The following RYR3 variants were observed in gnomAD, a reference collection of about 807,000 sequenced individuals.
RYR3 encodes brain ryanodine receptor-calcium release channel.
A neutral mutation model predicts 584.3 loss-of-function variants in RYR3; 207 were observed. The ratio of observed to expected loss-of-function variants is 0.35; its 90% CI spans 0.32 to 0.40. The LOEUF (loss-of-function observed/expected upper bound fraction) is 0.40. Ranked by LOEUF, RYR3 falls within the 10% of genes least tolerant of loss-of-function variation. The probability of loss-of-function intolerance (pLI) is 1.00; values close to 1 mark genes in which losing one functional copy is unlikely to be tolerated. For missense variants in RYR3, 5,616 were observed against 6,089.2 expected (o/e 0.92, Z 2.59); for synonymous variants, 2,416 against 2,248.5 (o/e 1.07, Z -2.11).
At chr15:33,713,016 G>A (rs1405632273) in intron 43 of RYR3, among the ~76,000 whole-genome samples, 1 of 152,188 alleles carries the variant, frequency 6.6e-6, no homozygotes, top group East Asian at 1.9e-4. Context: ...TAGGGCATTT[G>A]AAATGGGAAA....
At chr15:33,754,105 A>G (rs981429958) in intron 57 of RYR3, among the ~76,000 whole-genome samples, 1 of 152,186 alleles carries the variant, frequency 6.6e-6, no homozygotes, top group African/African-American at 2.4e-5. Flanking sequence ...GATCATGCCA[A>G]TGCACTCCAA....
At chr15:33,557,565 A>G (rs1331017221) in intron 10 of RYR3, among the ~76,000 whole-genome samples, 3 of 151,938 alleles carry the variant, frequency 2.0e-5, no homozygotes, top group African/African-American at 4.8e-5. Context: ...TTGTATTTTT[A>G]GTAGAGATGG....
At chr15:33,481,289 G>A (rs775381070) in intron 2 of RYR3, among the ~76,000 whole-genome samples, 14 of 152,038 alleles carry the variant, frequency 9.2e-5, no homozygotes, top group Non-Finnish European at 1.9e-4. Context: ...TAATTGGAAT[G>A]TTTTATTCAT....
chr15:33,584,558 AAAAC>A (rs2058749253), intron 15 of RYR3, 68 bp downstream of exon 15: 1 of 732,244 alleles, frequency 1.4e-6, no homozygotes, highest in Non-Finnish European at 2.3e-6. Flanking sequence ...GTAAAAAAAG[AAAAC>A]AAAGTTGAAT....
intron 1 of RYR3, among the ~76,000 whole-genome samples, chr15:33,455,431 T>A (rs2047469851): frequency 6.6e-6 from 1 of 152,184 alleles, no homozygotes; most frequent in Non-Finnish European, 1.5e-5. Flanking sequence ...AGACAGAGCC[T>A]GAGGAATTCT....
chr15:33,547,048 G>C (rs1341554558), intron 8 of RYR3, among the ~76,000 whole-genome samples: 1 of 152,186 alleles, frequency 6.6e-6, no homozygotes, highest in African/African-American at 2.4e-5. Flanking sequence ...GGGGACTGCT[G>C]TTCTTGAGAC....
chr15:33,443,549 T>C (rs2046394193), intron 1 of RYR3, among the ~76,000 whole-genome samples: 1 of 152,160 alleles, frequency 6.6e-6, no homozygotes, highest in South Asian at 2.1e-4. Context: ...AAAACAGCCC[T>C]TAAAAACATG....
At chr15:33,590,115 G>T (rs772122677) in intron 16 of RYR3, among the ~76,000 whole-genome samples, 16 of 152,174 alleles carry the variant, frequency 1.1e-4, no homozygotes, top group Non-Finnish European at 2.1e-4. Context: ...GGTGCTCCGT[G>T]GGGGAGCTTC....
chr15:33,683,734 G>A (rs189137875), intron 38 of RYR3, among the ~76,000 whole-genome samples: 15 of 152,346 alleles, frequency 9.8e-5, no homozygotes, highest in Admixed American at 2.0e-4. Context: ...TCCTAGCCAC[G>A]GGAAGCCGTG....
At chr15:33,665,156 A>C in intron 36 of RYR3, among the ~76,000 whole-genome samples, 1 of 152,292 alleles carries the variant, frequency 6.6e-6, no homozygotes, top group South Asian at 2.1e-4. Context: ...TGGCTCTTTC[A>C]TATGTATTTG....
chr15:33,530,950 G>T (rs752437181), intron 4 of RYR3, among the ~76,000 whole-genome samples: 2 of 151,986 alleles, frequency 1.3e-5, no homozygotes, highest in Non-Finnish European at 2.9e-5. Flanking sequence ...CCCACCAAAT[G>T]CAGTGCTTTG....
chr15:33,535,547 C>G (rs1001360283), intron 5 of RYR3, among the ~76,000 whole-genome samples: 2 of 152,194 alleles, frequency 1.3e-5, no homozygotes, highest in Non-Finnish European at 2.9e-5. Flanking sequence ...GTGCCACACT[C>G]TGAATATACA....
At chr15:33,619,814 T>C (rs1382130624) in intron 19 of RYR3, among the ~76,000 whole-genome samples, 5 of 152,172 alleles carry the variant, frequency 3.3e-5, no homozygotes, top group South Asian at 4.2e-4. Context: ...GAGAGATGAC[T>C]GGAGAATAGG....
chr15:33,378,568 G>A (rs913105570), intron 1 of RYR3, among the ~76,000 whole-genome samples: 4 of 152,226 alleles, frequency 2.6e-5, no homozygotes, highest in African/African-American at 9.6e-5. Flanking sequence ...CAAATAAGGA[G>A]AAGGGATCTA....
At chr15:33,696,920 GAGATA>G (rs2152765878) in intron 39 of RYR3, among the ~76,000 whole-genome samples, 1 of 148,656 alleles carries the variant, frequency 6.7e-6, no homozygotes, top group East Asian at 2.1e-4. Flanking sequence ...TTAGTTCATT[GAGATA>G]ACTTTCCCCT....
chr15:33,403,284 C>T (rs898917804), intron 1 of RYR3, among the ~76,000 whole-genome samples: 3 of 152,174 alleles, frequency 2.0e-5, no homozygotes, highest in Non-Finnish European at 4.4e-5. Context: ...TTTTTAAACT[C>T]TGGGCCAATA....
chr15:33,860,814 C>T (rs1033484921), intron 101 of RYR3, among the ~76,000 whole-genome samples, 155 bp downstream of exon 101: 2 of 152,154 alleles, frequency 1.3e-5, no homozygotes, highest in Non-Finnish European at 2.9e-5. Flanking sequence ...CTGCCATACC[C>T]CTGCCAGGCC....
At chr15:33,600,828 C>G (rs550798231) in intron 16 of RYR3, among the ~76,000 whole-genome samples, 66 of 152,250 alleles carry the variant, frequency 4.3e-4, no homozygotes, top group Admixed American at 9.2e-4. Flanking sequence ...AAGACCTTAG[C>G]CAAATGGGAA....
intron 39 of RYR3, among the ~76,000 whole-genome samples, chr15:33,696,910 T>A (rs570972605): frequency 6.6e-6 from 1 of 152,290 alleles, no homozygotes; most frequent in African/African-American, 2.4e-5. Flanking sequence ...GTCGTTTTTG[T>A]TAGTTCATTG....
Sources: allele counts gnomAD v4.1 joint callset (sites outside exome capture counted in the v4.1 genomes callset), GRCh38; gene constraint gnomAD v4.1.1; transcripts MANE v1.5; gene names NCBI Gene and HGNC (gene_info 2026-07-23, HGNC 2026-07-21).